PDGFC: variants seen among roughly 807,000 people sequenced by gnomAD.
PDGFC encodes platelet derived growth factor C, also known as platelet-derived growth factor C.
In PDGFC, 12 loss-of-function variants were observed where a neutral mutation model predicts 35.5. The observed-to-expected ratio is 0.34, with a 90% confidence interval of 0.22 to 0.55. The LOEUF (loss-of-function observed/expected upper bound fraction) is 0.55, where lower values mean the gene tolerates loss of function less well. Ranked by LOEUF, PDGFC falls within the 20% of genes least tolerant of loss-of-function variation. The pLI, the probability that PDGFC is intolerant of heterozygous loss-of-function variation, is 0.91. For synonymous variants in PDGFC, 159 were observed against 148.8 expected, an observed-to-expected ratio of 1.07 and a Z score of -0.50; for missense variants, 322 against 412.4, an observed-to-expected ratio of 0.78 and a Z score of 1.90.
chr4:156,944,215 T>C (rs1456215237), intron 1 of PDGFC, among the ~76,000 whole-genome samples: 2 of 152,158 alleles, frequency 1.3e-5, no homozygotes, highest in Non-Finnish European at 2.9e-5. Context: ...TTCACTCAAA[T>C]GTCTTCTGTG....
At chr4:156,952,563 C>T (rs1482806878) in intron 1 of PDGFC, among the ~76,000 whole-genome samples, 1 of 151,780 alleles carries the variant, frequency 6.6e-6, no homozygotes, top group East Asian at 1.9e-4. Flanking sequence ...ACACACAAAA[C>T]GTGAAAATCA....
At chr4:156,771,025 T>A (rs1447074260) in intron 4 of PDGFC, among the ~76,000 whole-genome samples, 1 of 152,172 alleles carries the variant, frequency 6.6e-6, no homozygotes, top group African/African-American at 2.4e-5. Flanking sequence ...TGTATTTTAG[T>A]TTATGTAAAG....
At chr4:156,908,790 A>C (rs2110796398) in intron 1 of PDGFC, among the ~76,000 whole-genome samples, 1 of 152,286 alleles carries the variant, frequency 6.6e-6, no homozygotes, top group East Asian at 1.9e-4. Flanking sequence ...CAATCAGACA[A>C]GTGCAAGAGT....
chr4:156,857,506 A>G (rs2111103650), intron 1 of PDGFC, among the ~76,000 whole-genome samples: 1 of 152,216 alleles, frequency 6.6e-6, no homozygotes, highest in South Asian at 2.1e-4. Flanking sequence ...CATGAATCTA[A>G]TAAGAAGTAC....
chr4:156,899,507 A>C (rs1411076367), intron 1 of PDGFC, among the ~76,000 whole-genome samples: 1 of 152,176 alleles, frequency 6.6e-6, no homozygotes, highest in African/African-American at 2.4e-5. Context: ...TTCTATTCTT[A>C]ACTTTTATTT....
At chr4:156,911,146 A>G (rs1731029401) in intron 1 of PDGFC, among the ~76,000 whole-genome samples, 4 of 152,138 alleles carry the variant, frequency 2.6e-5, no homozygotes, top group African/African-American at 9.7e-5. Context: ...AATTTTTATG[A>G]GAAGGTTTCA....
At chr4:156,766,482 C>G (rs185808543) in intron 5 of PDGFC, among the ~76,000 whole-genome samples, 35 of 152,282 alleles carry the variant, frequency 2.3e-4, no homozygotes, top group African/African-American at 8.2e-4. Flanking sequence ...CCTCCTCCAG[C>G]AGCATCAGGT....
intron 1 of PDGFC, among the ~76,000 whole-genome samples, chr4:156,900,104 C>T (rs534474573): frequency 6.6e-6 from 1 of 152,232 alleles, no homozygotes; most frequent in East Asian, 1.9e-4. Context: ...AAGTCTCATC[C>T]TCCTCATCTA....
intron 4 of PDGFC, chr4:156,770,541 T>A (rs1730667115): frequency 6.6e-6 from 1 of 152,048 alleles, no homozygotes; most frequent in African/African-American, 2.4e-5. Context: ...TACCAAAGGA[T>A]ACTTTTTGAA....
At chr4:156,861,595 GAA>G (rs1165144964) in intron 1 of PDGFC, 3 of 380,512 alleles carry the variant, frequency 7.9e-6, no homozygotes, top group Non-Finnish European at 1.5e-5. Flanking sequence ...AAAAAAATTT[GAA>G]GGATTGGAAA....
chr4:156,832,999 T>C (rs1728982153), intron 2 of PDGFC, among the ~76,000 whole-genome samples: 1 of 152,242 alleles, frequency 6.6e-6, no homozygotes, highest in South Asian at 2.1e-4. Flanking sequence ...AACTGATCAC[T>C]GTTTAATGTA....
chr4:156,905,128 G>A (rs947172665), intron 1 of PDGFC, among the ~76,000 whole-genome samples: 23 of 152,044 alleles, frequency 1.5e-4, no homozygotes, highest in Non-Finnish European at 3.1e-4. Context: ...CAAGAAGCTG[G>A]AGCTGGGATC....
intron 1 of PDGFC, among the ~76,000 whole-genome samples, chr4:156,968,616 T>C (rs1732519672): frequency 6.6e-6 from 1 of 152,124 alleles, no homozygotes; most frequent in Non-Finnish European, 1.5e-5. Flanking sequence ...TACCCTCAAA[T>C]CTTGAAACAT....
At chr4:156,876,345 G>A (rs572572882) in intron 1 of PDGFC, 2 of 151,832 alleles carry the variant, frequency 1.3e-5, no homozygotes, top group Non-Finnish European at 2.9e-5. Context: ...TCAAAAAGAT[G>A]TGTTTCCTTA....
At chr4:156,824,307 TATATATATATATATATATATACAC>T (rs1732364160) in intron 2 of PDGFC, among the ~76,000 whole-genome samples, 1 of 47,022 alleles carries the variant, frequency 2.1e-5, no homozygotes, top group African/African-American at 6.0e-5. Flanking sequence ...TATATATATA[TATATATATATATATATATATACAC>T]ACACACACAC....
chr4:156,813,351 T>A (rs1334013260), intron 2 of PDGFC, among the ~76,000 whole-genome samples: 1 of 152,206 alleles, frequency 6.6e-6, no homozygotes, highest in East Asian at 1.9e-4. Context: ...TACAAACACA[T>A]AACTAAAGCT....
chr4:156,903,348 G>T (rs1394755543), intron 1 of PDGFC, among the ~76,000 whole-genome samples: 2 of 151,880 alleles, frequency 1.3e-5, no homozygotes, highest in Non-Finnish European at 2.9e-5. Context: ...GGGAAAACAT[G>T]CACTTAATGA....
At chr4:156,834,676 A>G (rs1729021113) in intron 2 of PDGFC, among the ~76,000 whole-genome samples, 1 of 152,190 alleles carries the variant, frequency 6.6e-6, no homozygotes, top group Non-Finnish European at 1.5e-5. Flanking sequence ...GCAGACAGAA[A>G]GAAAAGCTTA....
chr4:156,971,138 A>G lies in PDGFC; in HGVS notation c.-235T>C. Reference sequence around the variant, plus strand: ...TCAAAGCAAAACCTGGACCTGAACCAGTTTCCCAAGGTTTAAACAAATCCT... The same window carrying G: ...TCAAAGCAAAACCTGGACCTGAACCGGTTTCCCAAGGTTTAAACAAATCCT... On this transcript the variant is annotated 5_prime_UTR_variant, in exon 1 of 6. Transcript: ENST00000502773. The G allele has an allele frequency of 2.5e-6, 1 of 398,546 alleles. No homozygotes were observed. Among genetic ancestry groups the G allele is most frequent in the Non-Finnish European group, 4.5e-6 (1 of 221,112 alleles). 24.7% of individuals were successfully genotyped at this position (398,546 alleles called of 1,614,324 possible). A position where few individuals can be genotyped will look rare whatever the true frequency, so the allele number is the denominator to read the frequency against.
Sources: gnomAD v4.1 joint callset for allele counts (sites outside exome capture counted in the v4.1 genomes callset) on GRCh38, gnomAD v4.1.1 for gene constraint, MANE v1.5 for transcripts, NCBI Gene and HGNC (gene_info 2026-07-23, HGNC 2026-07-21) for gene names.